Variants in CSTPP1 observed in about 807,000 individuals in gnomAD.
The protein encoded by CSTPP1 is centriolar satellite-associated tubulin polyglutamylase complex regulator 1.
chr11:47,132,716 T>C, the CSTPP1 span, among the ~76,000 whole-genome samples: 1 of 152,178 alleles, frequency 6.6e-6, no homozygotes, highest in African/African-American at 2.4e-5. Context: ...GCCTGAAGGG[T>C]ACCTGTATGT....
the CSTPP1 span, chr11:47,155,723 A>T: frequency 6.1e-6 from 1 of 164,574 alleles, no homozygotes; most frequent in Non-Finnish European, 1.3e-5. Context: ...CTGACTCCAA[A>T]GCCAGCGTTC....
the CSTPP1 span, among the ~76,000 whole-genome samples, chr11:47,094,304 G>A: frequency 1.2e-4 from 18 of 152,310 alleles, no homozygotes; most frequent in African/African-American, 4.3e-4. Flanking sequence ...GTGGTTTCCA[G>A]GGATTGGGGA....
chr11:47,153,615 C>A, the CSTPP1 span, among the ~76,000 whole-genome samples: 1 of 152,174 alleles, frequency 6.6e-6, no homozygotes, highest in Non-Finnish European at 1.5e-5. Flanking sequence ...AATAATAAGA[C>A]CCACCTGTAG....
chr11:46,962,610 A>G, the CSTPP1 span, among the ~76,000 whole-genome samples: 17 of 152,108 alleles, frequency 1.1e-4, no homozygotes, highest in African/African-American at 3.6e-4. Context: ...TTCTTTCAAC[A>G]ATGTTCTATA....
chr11:47,029,814 A>G, the CSTPP1 span, among the ~76,000 whole-genome samples: 1 of 151,308 alleles, frequency 6.6e-6, no homozygotes, highest in Non-Finnish European at 1.5e-5. Flanking sequence ...GAAAAAAAAA[A>G]AGGCTGGGCA....
chr11:47,058,018 CAA>C, the CSTPP1 span, among the ~76,000 whole-genome samples: 1 of 152,198 alleles, frequency 6.6e-6, no homozygotes, highest in Non-Finnish European at 1.5e-5. Context: ...GCAAAATTCA[CAA>C]AGTCTGACAT....
the CSTPP1 span, among the ~76,000 whole-genome samples, chr11:46,989,357 C>T: frequency 5.9e-5 from 9 of 151,764 alleles, no homozygotes; most frequent in Middle Eastern, 3.4e-3. Flanking sequence ...AGTACAGTGG[C>T]ATCATCATGG....
the CSTPP1 span, among the ~76,000 whole-genome samples, chr11:47,075,465 A>G: frequency 2.0e-5 from 3 of 152,242 alleles, no homozygotes; most frequent in Non-Finnish European, 4.4e-5. Context: ...ATGACAGGAA[A>G]TAATAGATAT....
At chr11:47,070,950 T>C in the CSTPP1 span, among the ~76,000 whole-genome samples, 1 of 152,098 alleles carries the variant, frequency 6.6e-6, no homozygotes, top group African/African-American at 2.4e-5. Flanking sequence ...TCCTTGTGCT[T>C]TCCCCCTTTC....
the CSTPP1 span, among the ~76,000 whole-genome samples, chr11:47,023,012 A>C: frequency 2.6e-5 from 4 of 152,184 alleles, no homozygotes; most frequent in African/African-American, 9.7e-5. Context: ...GATCTTGTTA[A>C]AATGCAGAAT....
the CSTPP1 span, among the ~76,000 whole-genome samples, chr11:46,982,506 A>G: frequency 6.6e-6 from 1 of 152,126 alleles, no homozygotes; most frequent in Non-Finnish European, 1.5e-5. Context: ...TAGACCCCTC[A>G]AACAAAAATT....
the CSTPP1 span, among the ~76,000 whole-genome samples, chr11:47,039,535 A>T: frequency 8.7e-5 from 11 of 126,438 alleles, 4 homozygotes; most frequent in Admixed American, 3.4e-4. Context: ...ACACGAACAG[A>T]TAAAGACTGT....
chr11:46,973,130 A>C, the CSTPP1 span, among the ~76,000 whole-genome samples: 1 of 152,176 alleles, frequency 6.6e-6, no homozygotes, highest in Non-Finnish European at 1.5e-5. Context: ...GTTTTTGTTG[A>C]AGTTATGAAA....
the CSTPP1 span, chr11:47,161,878 G>T: frequency 7.6e-7 from 1 of 1,311,816 alleles, no homozygotes; most frequent in Non-Finnish European, 9.7e-7. Context: ...GCCCCAAGCT[G>T]ACAGACTGTG....
the CSTPP1 span, among the ~76,000 whole-genome samples, chr11:47,104,107 C>A: frequency 6.6e-6 from 1 of 152,182 alleles, no homozygotes; most frequent in African/African-American, 2.4e-5. Flanking sequence ...TTTCATGGTG[C>A]GACAATGAGC....
the CSTPP1 span, among the ~76,000 whole-genome samples, chr11:47,069,209 C>T: frequency 5.9e-5 from 9 of 152,170 alleles, no homozygotes; most frequent in Non-Finnish European, 2.9e-5. Flanking sequence ...AACCCTTCCC[C>T]ATTGTGTAAA....
the CSTPP1 span, among the ~76,000 whole-genome samples, chr11:47,058,262 A>G: frequency 6.6e-6 from 1 of 152,208 alleles, no homozygotes; most frequent in Non-Finnish European, 1.5e-5. Context: ...TGGAAAGTTG[A>G]GGCTGCAGTG....
the CSTPP1 span, among the ~76,000 whole-genome samples, chr11:46,952,860 C>T: frequency 1.1e-3 from 168 of 152,158 alleles, 4 homozygotes; most frequent in Non-Finnish European, 4.4e-4. Context: ...TGTTGCTGGG[C>T]GTTGGAGGTA....
the CSTPP1 span, among the ~76,000 whole-genome samples, chr11:46,958,854 G>A: frequency 6.6e-6 from 1 of 152,198 alleles, no homozygotes; most frequent in Non-Finnish European, 1.5e-5. Flanking sequence ...AGATGAGAGG[G>A]AGAATTTGCC....
Sources: allele counts gnomAD v4.1 joint callset (sites outside exome capture counted in the v4.1 genomes callset), GRCh38; gene constraint gnomAD v4.1.1; transcripts MANE v1.5; gene names NCBI Gene and HGNC (gene_info 2026-07-23, HGNC 2026-07-21).